The following KCNA5 variants were observed in gnomAD, a reference collection of about 807,000 sequenced individuals.
KCNA5 encodes cardiac potassium channel.
A neutral mutation model predicts 26.5 loss-of-function variants in KCNA5; 22 were observed. The observed-to-expected ratio is 0.83, with a 90% CI of 0.59 to 1.18. KCNA5 has a LOEUF of 1.18. Among genes scored for constraint, KCNA5 ranks in the 50% most tolerant of loss-of-function variants. KCNA5 has a pLI of 0.00. For synonymous variants in KCNA5, 465 were observed against 372.8 expected (o/e 1.25, Z -2.85); for missense variants, 916 against 843.2 (o/e 1.09, Z -1.07).
At position 5,045,845 on chromosome 12, in the gene KCNA5, T is replaced by A. The variant is rs1199129168; in HGVS notation, c.1698T>A (p.Ala566=). The change falls in exon 1 of 1, where the codon GCT becomes GCA. Residue 566 remains alanine, a synonymous_variant. Transcript: ENST00000252321. This position sits in a 1 kb window ranked among gnomAD's most constrained non-coding sequence, Gnocchi z 5.6. ...GGAGCAGGGGATCCTTCTGCAAGGC[T>A]GGGGGGACCCTGGAGAATGCAGACA... The part of the protein sequence containing the change: ...VSGSRGSFCK[A]GGTLENADSA... 1.2e-6 allele frequency: 2 copies of A among 1,613,956 alleles called. No individual in the cohort carries two copies. Among genetic ancestry groups the A allele is most frequent in the Non-Finnish European group, 1.7e-6 (2 of 1,179,964 alleles).
rs1862738145 is a variant in KCNA5 at position 5,044,004 on chromosome 12, G to C, written c.-144G>C. The C allele has an allele frequency of 1.2e-6, 1 of 828,638 alleles. No homozygotes were observed. The highest frequency in any genetic ancestry group is 1.7e-5 in the African/African-American group (1 of 58,268). The allele number at this position is 828,638 out of a possible 1,614,324, so 51.3% of individuals were successfully genotyped here. On this transcript the variant is annotated 5_prime_UTR_variant, in exon 1 of 1. Coordinates refer to ENST00000252321, the MANE Select transcript of KCNA5 (RefSeq NM_002234.4). ...TTCTTGACGTCAGGGCCAAGCGAGGGGATCGCGCCAGCAACCCCAGCTCTC... is the reference window on the plus strand; with the variant it reads ...TTCTTGACGTCAGGGCCAAGCGAGGCGATCGCGCCAGCAACCCCAGCTCTC...
At position 5,045,583 on chromosome 12, in the gene KCNA5, C is replaced by A; in HGVS notation, c.1436C>A (p.Thr479Asn). The A allele has an allele frequency of 6.2e-7, 1 of 1,614,232 alleles. No homozygotes were observed. The highest frequency in any genetic ancestry group is 8.5e-7 in the Non-Finnish European group (1 of 1,180,050). The change falls in exon 1 of 1, where the codon ACC becomes AAC. Residue 479 changes from threonine (T) to asparagine (N), a missense_variant. Physicochemically the swap from Thr to Asn is moderately conservative, Grantham distance 65. Coordinates refer to ENST00000252321, the MANE Select transcript of KCNA5 (RefSeq NM_002234.4). This position sits in a 1 kb window ranked among gnomAD's most constrained non-coding sequence, Gnocchi z 5.6. ...DAFWWAVVTM[T>N]TVGYGDMRPI... ...TTCTGGTGGGCAGTGGTCACCATGA[C>A]CACTGTGGGCTACGGGGACATGAGG... is the stretch of plus-strand genomic sequence containing the variant.
In KCNA5 at chr12:5,044,605, T is replaced by C; in HGVS notation, c.458T>C (p.Leu153Pro). 2 of 1,614,102 alleles carry C rather than the reference T, an allele frequency of 1.2e-6. No individual in the cohort carries two copies. The highest frequency in any genetic ancestry group is 8.5e-7 in the Non-Finnish European group (1 of 1,180,044). ...NTLLGDPAKR[L>P]RYFDPLRNEY... ...CTCCTGGGGGACCCCGCCAAGCGCC[T>C]GCGCTACTTCGACCCCCTGAGGAAC... The change falls in exon 1 of 1, where the codon CTG (leucine) becomes CCG (proline). Residue 153 changes from leucine (L) to proline (P), a missense_variant. Transcript: ENST00000252321.
Position 5,044,283 on chromosome 12 carries a change from C to A in KCNA5, c.136C>A (p.Pro46Thr). 2 of 1,545,728 alleles carry A rather than the reference C, an allele frequency of 1.3e-6. No individual in the cohort carries two copies. Among genetic ancestry groups the A allele is most frequent in the Non-Finnish European group, 1.7e-6 (2 of 1,151,744 alleles). ...CCCGACGGCTGGGCTCAGCGATGGG[C>A]CCAAGGAGCCGGCGCCAAAGGGGCG... ...CPPTAGLSDGPKEPAPKGRGA... is the reference protein window; with the variant it reads ...CPPTAGLSDGTKEPAPKGRGA... The change falls in exon 1 of 1, where the codon CCC becomes ACC. Residue 46 changes from proline to threonine, a missense_variant. By Grantham distance (38) the Pro-to-Thr change is conservative (BLOSUM62 -1). Transcript: ENST00000252321.
rs747468713 is a variant in KCNA5 at position 5,046,195 on chromosome 12, A to G, written c.*206A>G. The G allele has an allele frequency of 3.0e-6, 2 of 671,894 alleles. No homozygotes were observed. The highest frequency in any genetic ancestry group is 5.3e-6 in the Non-Finnish European group (2 of 374,622). The allele number at this position is 671,894 out of a possible 1,614,324, so 41.6% of individuals were successfully genotyped here. ...CAAGGGTCGCCTATTTTTAAAAAGT[A>G]CCACATTCCATGACGCAGGAGCTGT... On this transcript the variant is annotated 3_prime_UTR_variant, in exon 1 of 1. Transcript: ENST00000252321.
rs760147088 is a variant in KCNA5, at chr12:5,045,080, G to C, written c.933G>C (p.Thr311=). The C allele has an allele frequency of 4.3e-6, 7 of 1,613,068 alleles. No individual in the cohort carries two copies. The highest frequency in any genetic ancestry group is 2.2e-5 in the East Asian group (1 of 44,788). The change falls in exon 1 of 1, where the codon ACG becomes ACC. Residue 311 remains threonine, a synonymous_variant. Coordinates refer to ENST00000252321, the MANE Select transcript of KCNA5 (RefSeq NM_002234.4). This position sits in a 1 kb window ranked among gnomAD's most constrained non-coding sequence, Gnocchi z 5.6. ...SGVMAPPSGP[T]VAPLLPRTLA... The stretch of plus-strand genomic sequence containing the variant: ...TCATGGCCCCGCCCTCTGGCCCTAC[G>C]GTGGCACCGCTCCTGCCCAGGACCC...
rs754229184 is a variant in KCNA5 at position 5,044,800 on chromosome 12, G to T, written c.653G>T (p.Gly218Val). Reference protein sequence around the residue: ...EAMERFREDEGFIKEEEKPLP... With the variant: ...EAMERFREDEVFIKEEEKPLP... ...ATGGAGCGCTTCCGCGAGGATGAGGGCTTCATTAAAGAAGAGGAGAAGCCC... is the reference window on the plus strand; with the variant it reads ...ATGGAGCGCTTCCGCGAGGATGAGGTCTTCATTAAAGAAGAGGAGAAGCCC... Residue 218 changes from glycine to valine, a missense_variant, in exon 1 of 1, where the codon GGC becomes GTC. Coordinates refer to ENST00000252321, the MANE Select transcript of KCNA5 (RefSeq NM_002234.4). 2.5e-6 allele frequency: 4 copies of T among 1,614,186 alleles called. No homozygotes were observed. Among genetic ancestry groups the T allele is most frequent in the Non-Finnish European group, 3.4e-6 (4 of 1,180,036 alleles).
chr12:5,044,745 ATACGCTTC>A lies in KCNA5; in HGVS notation c.602_609del (p.Arg201ProfsTer14). 1 of 1,614,026 alleles carries A rather than the reference ATACGCTTC, an allele frequency of 6.2e-7. No individual in the cohort carries two copies. The highest frequency in any genetic ancestry group is 8.5e-7 in the Non-Finnish European group (1 of 1,180,002). On this transcript the variant is annotated frameshift_variant, in exon 1 of 1. Transcript: ENST00000252321. LOFTEE classifies it high-confidence loss of function. ...CTCCCTGGACGTGTTCGCGGACGAG[ATACGCTTC>A]TACCAGCTGGGGGACGAGGCCATGG... is the stretch of plus-strand genomic sequence containing the variant.
chr12:5,045,524 C>T lies in KCNA5; in HGVS notation c.1377C>T (p.Asn459=). The T allele has an allele frequency of 6.8e-6, 11 of 1,614,232 alleles. No homozygotes were observed. The highest frequency in any genetic ancestry group is 9.3e-6 in the Non-Finnish European group (11 of 1,180,052). Reference sequence around the variant, plus strand: ...CCGTCTACTTCGCAGAGGCTGACAACCAGGGAACCCATTTCTCTAGCATCC... The same window carrying T: ...CCGTCTACTTCGCAGAGGCTGACAATCAGGGAACCCATTTCTCTAGCATCC... ...SSAVYFAEAD[N]QGTHFSSIPD... Residue 459 remains asparagine, a synonymous_variant, in exon 1 of 1, where the codon AAC becomes AAT. Coordinates refer to ENST00000252321, the MANE Select transcript of KCNA5 (RefSeq NM_002234.4). This position sits in a 1 kb window ranked among gnomAD's most constrained non-coding sequence, Gnocchi z 5.6.
chr12:5,045,178 T>C lies in KCNA5; in HGVS notation c.1031T>C (p.Phe344Ser). ...WFTFELLVRF[F>S]ACPSKAGFSR... ...ACCTTCGAGCTGCTCGTGCGCTTCT[T>C]CGCCTGCCCCAGCAAGGCAGGGTTC... is the stretch of plus-strand genomic sequence containing the variant. The change falls in exon 1 of 1, where the codon TTC becomes TCC. Residue 344 changes from phenylalanine to serine, a missense_variant. Physicochemically the swap from Phe to Ser is radical, Grantham distance 155. Coordinates refer to ENST00000252321, the MANE Select transcript of KCNA5 (RefSeq NM_002234.4). This position sits in a 1 kb window ranked among gnomAD's most constrained non-coding sequence, Gnocchi z 5.6. The C allele has an allele frequency of 6.2e-7, 1 of 1,614,154 alleles. No homozygotes were observed. The highest frequency in any genetic ancestry group is 8.5e-7 in the Non-Finnish European group (1 of 1,180,028).
chr12:5,044,962 T>A lies in KCNA5; in HGVS notation c.815T>A (p.Leu272Gln), dbSNP rs1350480561. Residue 272 changes from leucine to glutamine, a missense_variant, in exon 1 of 1, where the codon CTG (leucine) becomes CAG (glutamine). Leu to Gln is a moderately radical substitution (Grantham distance 113). Transcript: ENST00000252321. ...ATCATCACCTTCTGCTTGGAGACCC[T>A]GCCTGAGTTCAGGGATGAACGTGAG... ...ISIITFCLET[L>Q]PEFRDERELL... 3 of 1,613,538 alleles carry A rather than the reference T, an allele frequency of 1.9e-6. No individual in the cohort carries two copies. The South Asian group carries it at 3.3e-5, about 18-fold the overall frequency.
In KCNA5 at chr12:5,044,077, G is replaced by T; in HGVS notation, c.-71G>T. 1 of 1,501,702 alleles carries T rather than the reference G, an allele frequency of 6.7e-7. No individual in the cohort carries two copies. Among genetic ancestry groups the T allele is most frequent in the African/African-American group, 1.4e-5 (1 of 72,256 alleles). The allele number at this position is 1,501,702 out of a possible 1,614,324, so 93.0% of individuals were successfully genotyped here. A position where few individuals can be genotyped will look rare whatever the true frequency, so the allele number is the denominator to read the frequency against. ...GCTGGAGCGGAGCCTGACGCCAGGC[G>T]CCCGCGGAGCGTGAGTAGGGGGCGC... is the stretch of plus-strand genomic sequence containing the variant. On this transcript the variant is annotated 5_prime_UTR_variant, in exon 1 of 1. Coordinates refer to ENST00000252321, the MANE Select transcript of KCNA5 (RefSeq NM_002234.4).
chr12:5,045,043 A>ACGGCAG lies in KCNA5; in HGVS notation c.900_905dup (p.Ser301_Gly302dup). 6.2e-7 allele frequency: 1 copy of ACGGCAG among 1,612,288 alleles called. No individual in the cohort carries two copies. Among genetic ancestry groups the ACGGCAG allele is most frequent in the South Asian group, 1.1e-5 (1 of 90,990 alleles). On this transcript the variant is annotated inframe_insertion, in exon 1 of 1. Coordinates refer to ENST00000252321, the MANE Select transcript of KCNA5 (RefSeq NM_002234.4). The surrounding 1 kb of genome is among the most constrained non-coding windows in gnomAD (Gnocchi z 5.6). ...CCTCCCGCGCCCGCCCCTGGGGCCA[A>ACGGCAG]CGGCAGCGGGGTCATGGCCCCGCCC...
chr12:5,045,631 T>C lies in KCNA5; in HGVS notation c.1484T>C (p.Ile495Thr). Residue 495 changes from isoleucine to threonine, a missense_variant, in exon 1 of 1, where the codon ATC (isoleucine) becomes ACC (threonine). Physicochemically the swap from Ile to Thr is moderately conservative, Grantham distance 89. Transcript: ENST00000252321. This position sits in a 1 kb window ranked among gnomAD's most constrained non-coding sequence, Gnocchi z 5.6. ...DMRPITVGGKIVGSLCAIAGV... is the reference protein window; with the variant it reads ...DMRPITVGGKTVGSLCAIAGV... ...AGGCCCATCACTGTTGGGGGCAAGA[T>C]CGTGGGCTCGCTGTGTGCCATCGCC... 6.2e-7 allele frequency: 1 copy of C among 1,614,120 alleles called. No homozygotes were observed. The highest frequency in any genetic ancestry group is 8.5e-7 in the Non-Finnish European group (1 of 1,180,010).
In KCNA5 at chr12:5,045,818, C is replaced by T; in HGVS notation, c.1671C>T (p.Ser557=). The T allele has an allele frequency of 3.7e-6, 6 of 1,614,010 alleles. No individual in the cohort carries two copies. Among genetic ancestry groups the T allele is most frequent in the Non-Finnish European group, 5.1e-6 (6 of 1,179,970 alleles). Residue 557 remains serine (S), a synonymous_variant, in exon 1 of 1, where the codon AGC becomes AGT. Coordinates refer to ENST00000252321, the MANE Select transcript of KCNA5 (RefSeq NM_002234.4). This position sits in a 1 kb window ranked among gnomAD's most constrained non-coding sequence, Gnocchi z 5.6. ...ACAGAGGAGTCCAGCGGAAGGTCAG[C>T]GGGAGCAGGGGATCCTTCTGCAAGG... ...GLDRGVQRKV[S]GSRGSFCKAG... is the part of the protein sequence containing the mutation.
At position 5,045,240 on chromosome 12, in the gene KCNA5, A is replaced by G. The variant is rs748156883; in HGVS notation, c.1093A>G (p.Ile365Val). Residue 365 changes from isoleucine (I) to valine (V), a missense_variant, in exon 1 of 1, where the codon ATC becomes GTC. By Grantham distance (29) the Ile-to-Val change is conservative. Transcript: ENST00000252321. This position sits in a 1 kb window ranked among gnomAD's most constrained non-coding sequence, Gnocchi z 5.6. ...NIMNIIDVVA[I>V]FPYFITLGTE... ...CATGAACATCATCGATGTGGTGGCC[A>G]TCTTCCCCTACTTCATCACCCTGGG... 5 of 1,614,056 alleles carry G rather than the reference A, an allele frequency of 3.1e-6. No homozygotes were observed. The Admixed American group carries it at 6.7e-5, about 22-fold the overall frequency.
In KCNA5 at chr12:5,044,328, G is replaced by C; in HGVS notation, c.181G>C (p.Asp61His). The change falls in exon 1 of 1, where the codon GAC becomes CAC. Residue 61 changes from aspartate to histidine, a missense_variant. Asp to His is a moderately conservative substitution (Grantham distance 81, BLOSUM62 -1). Transcript: ENST00000252321. ...GGGGCGCGGCGCGCAGAGAGACGCG[G>C]ACTCGGGAGTGCGGCCCTTGCCTCC... ...PKGRGAQRDA[D>H]SGVRPLPPLP... 1 of 1,551,280 alleles carries C rather than the reference G, an allele frequency of 6.4e-7. No homozygotes were observed. The highest frequency in any genetic ancestry group is 1.2e-5 in the South Asian group (1 of 85,342).
Position 5,044,968 on chromosome 12 carries a change from A to T in KCNA5, c.821A>T (p.Glu274Val). The change falls in exon 1 of 1, where the codon GAG becomes GTG. Residue 274 changes from glutamate (E) to valine (V), a missense_variant. Coordinates refer to ENST00000252321, the MANE Select transcript of KCNA5 (RefSeq NM_002234.4). ...IITFCLETLP[E>V]FRDERELLRH... is the part of the protein sequence containing the mutation. Reference sequence around the variant, plus strand: ...ACCTTCTGCTTGGAGACCCTGCCTGAGTTCAGGGATGAACGTGAGCTGCTC... The same window carrying T: ...ACCTTCTGCTTGGAGACCCTGCCTGTGTTCAGGGATGAACGTGAGCTGCTC... 1 of 1,613,376 alleles carries T rather than the reference A, an allele frequency of 6.2e-7. No homozygotes were observed. Among genetic ancestry groups the T allele is most frequent in the Non-Finnish European group, 8.5e-7 (1 of 1,179,940 alleles).
In KCNA5 at chr12:5,046,341, C is replaced by A. The variant is rs1395446431; in HGVS notation, c.*352C>A. ...GATCCCAAGAGATTATGTAACTCCT[C>A]CATCCATGTGTTCCAAATTTGCTTT... On this transcript the variant is annotated 3_prime_UTR_variant, in exon 1 of 1. Coordinates refer to ENST00000252321, the MANE Select transcript of KCNA5 (RefSeq NM_002234.4). 5 of 329,476 alleles carry A rather than the reference C, an allele frequency of 1.5e-5. No individual in the cohort carries two copies. The highest frequency in any genetic ancestry group is 3.0e-5 in the Non-Finnish European group (5 of 166,306). 20.4% of individuals were successfully genotyped at this position (329,476 alleles called of 1,614,324 possible). A position where few individuals can be genotyped will look rare whatever the true frequency, so the allele number is the denominator to read the frequency against.
Sources: gnomAD v4.1 joint callset for allele counts on GRCh38, gnomAD v4.1.1 for gene constraint, Gnocchi (gnomAD v3.1) non-coding constraint, MANE v1.5 for transcripts, NCBI Gene and HGNC (gene_info 2026-07-23, HGNC 2026-07-21) for gene names.